The following GPC6 variants were observed in gnomAD, a reference collection of about 807,000 sequenced individuals.
GPC6 encodes the protein glypican 6.
GPC6 carries 14 observed loss-of-function variants against 55.2 expected under a neutral mutation model. That is an observed-to-expected ratio of 0.25 (90% CI 0.17 to 0.40). The LOEUF (loss-of-function observed/expected upper bound fraction) is 0.40. GPC6 is among the 10% of genes least tolerant of loss of function. The probability of loss-of-function intolerance (pLI) is 1.00; values close to 1 mark genes in which losing one functional copy is unlikely to be tolerated. For synonymous variants in GPC6, 278 were observed against 259.6 expected, an observed-to-expected ratio of 1.07 and a Z score of -0.68; for missense variants, 641 against 708.5, an observed-to-expected ratio of 0.90 and a Z score of 1.08.
chr13:93,676,757 G>A (rs1036061262), intron 2 of GPC6, among the ~76,000 whole-genome samples: 2 of 152,106 alleles, frequency 1.3e-5, no homozygotes, highest in African/African-American at 4.8e-5. Flanking sequence ...TTTGGCTCAT[G>A]TACTACCTTT....
chr13:93,251,448 C>T (rs780724371), intron 1 of GPC6, among the ~76,000 whole-genome samples: 10 of 152,126 alleles, frequency 6.6e-5, no homozygotes, highest in East Asian at 1.9e-4. Flanking sequence ...ATACCCATTA[C>T]ATAAACAATA....
chr13:94,225,910 T>C (rs1000233729), intron 4 of GPC6, among the ~76,000 whole-genome samples: 1 of 152,164 alleles, frequency 6.6e-6, no homozygotes, highest in Non-Finnish European at 1.5e-5. Flanking sequence ...CAAGTTCTTC[T>C]ACTACCCACT....
intron 3 of GPC6, among the ~76,000 whole-genome samples, chr13:93,878,497 G>C (rs1320108160): frequency 6.6e-6 from 1 of 152,030 alleles, no homozygotes; most frequent in Non-Finnish European, 1.5e-5. Context: ...TCCTGCCTCA[G>C]CCTCCCGAGT....
intron 4 of GPC6, among the ~76,000 whole-genome samples, chr13:94,029,112 A>G (rs1199255160): frequency 6.6e-6 from 1 of 152,190 alleles, no homozygotes; most frequent in Non-Finnish European, 1.5e-5. Context: ...TAGAAAAAAG[A>G]TGTTAGAATT....
intron 2 of GPC6, among the ~76,000 whole-genome samples, chr13:93,787,124 A>G (rs182661998): frequency 6.6e-6 from 1 of 152,364 alleles, no homozygotes. Flanking sequence ...CTATCTCGGA[A>G]ATAGTTATAA....
intron 2 of GPC6, among the ~76,000 whole-genome samples, chr13:93,757,051 A>C (rs1043398543): frequency 6.6e-6 from 1 of 152,160 alleles, no homozygotes; most frequent in African/African-American, 2.4e-5. Context: ...CTACAGGTAT[A>C]TGTTTATGTT....
chr13:94,009,790 T>G (rs1211314144), intron 3 of GPC6, among the ~76,000 whole-genome samples: 1 of 152,146 alleles, frequency 6.6e-6, no homozygotes, highest in African/African-American at 2.4e-5. Flanking sequence ...TCCTGAGAGT[T>G]ATGTACGTTT....
chr13:94,269,721 T>C (rs945933408), intron 4 of GPC6, among the ~76,000 whole-genome samples: 6 of 152,178 alleles, frequency 3.9e-5, no homozygotes, highest in Non-Finnish European at 7.3e-5. Context: ...AGTTTGCCTC[T>C]GCCCACTTTC....
At chr13:94,197,917 T>C (rs1889631487) in intron 4 of GPC6, among the ~76,000 whole-genome samples, 1 of 152,220 alleles carries the variant, frequency 6.6e-6, no homozygotes, top group South Asian at 2.1e-4. Context: ...TTGTAGCTAA[T>C]GTTTAGCATG....
At chr13:93,714,844 C>A (rs149438488) in intron 2 of GPC6, among the ~76,000 whole-genome samples, 6 of 151,680 alleles carry the variant, frequency 4.0e-5, no homozygotes, top group Non-Finnish European at 7.4e-5. Context: ...TATTCATAAG[C>A]TTTTCATGGA....
rs148428200 is a variant in GPC6, at chr13:93,990,960, A to AGAAGGAAGGAAGGAAGGAAG, written c.712-36760_712-36741dup. ...GAGGAGGAAGGAAGGAAGGAAGGAA[A>AGAAGGAAGGAAGGAAGGAAG]GAAGGAAGGAAGGAAGGAAGGAAGG... On this transcript the variant is annotated intron_variant, in intron 3 of 8. Coordinates refer to ENST00000377047, the MANE Select transcript of GPC6 (RefSeq NM_005708.5). Among the ~76,000 whole-genome samples the AGAAGGAAGGAAGGAAGGAAG allele has an allele frequency of 2.6e-3, 391 of 150,412 alleles. 2 individuals carry two copies. The highest frequency in any genetic ancestry group is 8.3e-3 in the African/African-American group (336 of 40,676).
chr13:93,723,810 A>G (rs1387376467), intron 2 of GPC6, among the ~76,000 whole-genome samples: 1 of 152,008 alleles, frequency 6.6e-6, no homozygotes, highest in South Asian at 2.1e-4. Flanking sequence ...GTTGAATAAG[A>G]AAGTCAGAGG....
intron 1 of GPC6, among the ~76,000 whole-genome samples, chr13:93,324,591 T>TATATATATATACACACATACATAC (rs1879580380): frequency 1.7e-5 from 2 of 118,880 alleles, no homozygotes; most frequent in African/African-American, 7.3e-5. Flanking sequence ...TACATACATA[T>TATATATATATACACACATACATAC]ATATATATAT....
intron 2 of GPC6, among the ~76,000 whole-genome samples, chr13:93,712,991 A>G (rs375225967): frequency 1.3e-5 from 2 of 151,578 alleles, no homozygotes; most frequent in Non-Finnish European, 3.0e-5. Flanking sequence ...TAATAAAATT[A>G]TATATTCACT....
chr13:94,180,792 T>G (rs1226613778), intron 4 of GPC6, among the ~76,000 whole-genome samples: 1 of 152,172 alleles, frequency 6.6e-6, no homozygotes, highest in Non-Finnish European at 1.5e-5. Flanking sequence ...TAAGGTGGAA[T>G]AGATATCCTT....
At position 93,784,346 on chromosome 13, in the gene GPC6, G is replaced by A. The variant is rs536381596; in HGVS notation, c.320-45808G>A. Among the ~76,000 whole-genome samples the A allele has an allele frequency of 1.6e-4, 24 of 152,238 alleles. 1 individual carries two copies. Among genetic ancestry groups the A allele is most frequent in the Admixed American group, 3.3e-4 (5 of 15,284 alleles). On this transcript the variant is annotated intron_variant, in intron 2 of 8. Coordinates refer to ENST00000377047, the MANE Select transcript of GPC6 (RefSeq NM_005708.5). ...TCAGAACAACCTGCACAGATTTACT[G>A]GCAATTGTTTTCTTCCTTCTATCCA... is the stretch of plus-strand genomic sequence containing the variant.
chr13:93,809,509 C>A (rs1183852751), intron 2 of GPC6, among the ~76,000 whole-genome samples: 2 of 152,144 alleles, frequency 1.3e-5, no homozygotes, highest in Admixed American at 6.5e-5. Flanking sequence ...AAGCAAGACA[C>A]CCTTCCTCCC....
intron 1 of GPC6, among the ~76,000 whole-genome samples, chr13:93,327,760 A>AATAT (rs71653345): frequency 4.1e-4 from 62 of 150,688 alleles, no homozygotes; most frequent in South Asian, 3.3e-3. Context: ...AATTATATAT[A>AATAT]ATATATATAT....
chr13:94,260,205 T>G (rs1891617882), intron 4 of GPC6, among the ~76,000 whole-genome samples: 1 of 152,146 alleles, frequency 6.6e-6, no homozygotes, highest in Admixed American at 6.5e-5. Flanking sequence ...CTGTTTTGTT[T>G]GTTATTGTTA....
Sources: allele counts gnomAD v4.1 joint callset (sites outside exome capture counted in the v4.1 genomes callset), GRCh38; gene constraint gnomAD v4.1.1; transcripts MANE v1.5; gene names NCBI Gene and HGNC (gene_info 2026-07-23, HGNC 2026-07-21).